TMEM143: variants seen among roughly 807,000 people sequenced by gnomAD.
TMEM143 encodes transmembrane protein 143.
TMEM143 carries 45 observed loss-of-function variants against 40.3 expected under a neutral mutation model. The ratio of observed to expected loss-of-function variants is 1.12; its 90% CI spans 0.88 to 1.43. The LOEUF (loss-of-function observed/expected upper bound fraction) is 1.43, where lower values mean the gene tolerates loss of function less well. TMEM143 is among the 40% of genes most tolerant of loss of function. TMEM143 has a pLI of 0.00. For synonymous variants in TMEM143, 299 were observed against 282.7 expected (o/e 1.06, Z -0.58); for missense variants, 620 against 613.4 (o/e 1.01, Z -0.11).
intron 3 of TMEM143, among the ~76,000 whole-genome samples, chr19:48,350,919 CAAAAAAAAAAAA>C (rs71181680): frequency 4.5e-5 from 4 of 88,258 alleles, no homozygotes; most frequent in Admixed American, 1.2e-4. Context: ...GACTACATCT[CAAAAAAAAAAAA>C]AAAAAAAAAA....
At chr19:48,350,524 C>T (rs1969742942) in intron 3 of TMEM143, among the ~76,000 whole-genome samples, 1 of 152,110 alleles carries the variant, frequency 6.6e-6, no homozygotes, top group African/African-American at 2.4e-5. Context: ...CCGTCCCCAC[C>T]ACCCACGTTC....
At chr19:48,356,892 C>A (rs984844973) in intron 3 of TMEM143, among the ~76,000 whole-genome samples, 9 of 129,748 alleles carry the variant, frequency 6.9e-5, no homozygotes, top group African/African-American at 1.8e-4. Flanking sequence ...CAGCACCTGG[C>A]CTTTTTTTTT....
Position 48,333,187 on chromosome 19 carries a change from G to T in TMEM143, c.*32C>A. On this transcript the variant is annotated 3_prime_UTR_variant, in exon 8 of 8. Coordinates refer to ENST00000293261, the MANE Select transcript of TMEM143 (RefSeq NM_018273.4). This position sits in a 1 kb window ranked among gnomAD's most constrained non-coding sequence, Gnocchi z 4.1. Reference sequence around the variant, plus strand: ...TGAAGGAGGCGGGGCTTAGTTCCTAGCCTGCTGACTGGGCAGGGAGGTAGG... The same window carrying T: ...TGAAGGAGGCGGGGCTTAGTTCCTATCCTGCTGACTGGGCAGGGAGGTAGG... 7.1e-7 allele frequency: 1 copy of T among 1,405,136 alleles called. No individual in the cohort carries two copies. Among genetic ancestry groups the T allele is most frequent in the Non-Finnish European group, 9.4e-7 (1 of 1,061,558 alleles). The allele number at this position is 1,405,136 out of a possible 1,614,324, so 87.0% of individuals were successfully genotyped here.
At chr19:48,363,726 G>T in intron 1 of TMEM143, 172 bp downstream of exon 1, 1 of 1,373,898 alleles carries the variant, frequency 7.3e-7, no homozygotes. Flanking sequence ...GGGGTCAGAG[G>T]TCTTAGGTTC....
At chr19:48,358,872 C>T (rs2147387113) in intron 3 of TMEM143, among the ~76,000 whole-genome samples, 1 of 152,242 alleles carries the variant, frequency 6.6e-6, no homozygotes, top group Non-Finnish European at 1.5e-5. Context: ...CACTCAGAGT[C>T]AAAGCAAGGT....
Position 48,347,494 on chromosome 19 carries a change from C to T in TMEM143, c.370-2140G>A, listed in dbSNP as rs182368979. 6.2e-3 allele frequency among the ~76,000 whole-genome samples: 940 copies of T among 151,756 alleles called. 3 individuals carry two copies. Among genetic ancestry groups the T allele is most frequent in the Non-Finnish European group, 9.2e-3 (627 of 67,940 alleles). ...CTGGGAAGCCAAGGTGGGAGGATCA[C>T]TTGAATCCAGGAGTTTGAGACCAGC... On this transcript the variant is annotated intron_variant, in intron 3 of 7. Transcript: ENST00000293261.
intron 3 of TMEM143, among the ~76,000 whole-genome samples, chr19:48,354,484 C>T (rs776107071): frequency 3.3e-5 from 5 of 152,040 alleles, no homozygotes; most frequent in Non-Finnish European, 5.9e-5. Context: ...AAGCTGGTCT[C>T]GAACTCCTGA....
chr19:48,340,957 G>A (rs1969473700), intron 6 of TMEM143, among the ~76,000 whole-genome samples: 1 of 152,054 alleles, frequency 6.6e-6, no homozygotes, highest in Non-Finnish European at 1.5e-5. Context: ...CTGAGCCCTG[G>A]TCCCAAGCAG....
At chr19:48,336,784 A>G (rs1378677480) in intron 6 of TMEM143, among the ~76,000 whole-genome samples, 2 of 151,954 alleles carry the variant, frequency 1.3e-5, no homozygotes, top group Non-Finnish European at 2.9e-5. Flanking sequence ...TCACGAGGTC[A>G]GAAGATCAAG....
chr19:48,357,957 C>G (rs993475592), intron 3 of TMEM143, among the ~76,000 whole-genome samples: 1 of 151,876 alleles, frequency 6.6e-6, no homozygotes, highest in Non-Finnish European at 1.5e-5. Context: ...GGGTGAGGGA[C>G]TACATATTGG....
chr19:48,354,351 G>A (rs1247784979), intron 3 of TMEM143, among the ~76,000 whole-genome samples: 5 of 146,300 alleles, frequency 3.4e-5, no homozygotes, highest in African/African-American at 7.7e-5. Flanking sequence ...TGCAGCCTCC[G>A]CCTCCTGGGT....
intron 5 of TMEM143, 199 bp from the exon 6 acceptor site, chr19:48,343,008 T>C (rs1259280989): frequency 2.8e-6 from 2 of 709,694 alleles, no homozygotes; most frequent in Non-Finnish European, 2.3e-6. Flanking sequence ...ATCCCTGGTA[T>C]TGGACGTGCA....
In TMEM143 at chr19:48,343,198, C is replaced by T. The variant is rs114833886; in HGVS notation, c.695+123G>A. ...AAAGACAGCATTTGGATGAGTCACG[C>T]CTCCCATTTCTCAACTTCCCGCCTG... On this transcript the variant is annotated intron_variant, in intron 5 of 7. Transcript: ENST00000293261. 9.0e-4 allele frequency: 1,123 copies of T among 1,252,508 alleles called. 9 individuals carry two copies. In the African/African-American group the frequency reaches 0.016, roughly 17 times the overall value. The allele number at this position is 1,252,508 out of a possible 1,614,324, so 77.6% of individuals were successfully genotyped here. A position where few individuals can be genotyped will look rare whatever the true frequency, so the allele number is the denominator to read the frequency against.
chr19:48,346,578 T>A (rs540374366), intron 3 of TMEM143, among the ~76,000 whole-genome samples: 1 of 151,994 alleles, frequency 6.6e-6, no homozygotes, highest in Non-Finnish European at 1.5e-5. Context: ...TACTTTCTTT[T>A]TATTTATTTA....
At chr19:48,346,594 T>C (rs1180778247) in intron 3 of TMEM143, among the ~76,000 whole-genome samples, 1 of 152,132 alleles carries the variant, frequency 6.6e-6, no homozygotes, top group African/African-American at 2.4e-5. Flanking sequence ...ATTTATTTTT[T>C]TGAGACAGAG....
intron 3 of TMEM143, among the ~76,000 whole-genome samples, chr19:48,357,831 A>C (rs936046213): frequency 3.3e-5 from 5 of 152,136 alleles, no homozygotes; most frequent in African/African-American, 1.2e-4. Context: ...CAGGAATGGA[A>C]AACCAAATAG....
chr19:48,346,008 C>T (rs1454031119), intron 3 of TMEM143, among the ~76,000 whole-genome samples: 1 of 151,506 alleles, frequency 6.6e-6, no homozygotes, highest in African/African-American at 2.4e-5. Context: ...TGGTCTCGAA[C>T]TCCTGACATG....
In TMEM143 at chr19:48,352,256, A is replaced by AAAAAAAAAAAAC. The variant is rs1555887047; in HGVS notation, c.370-6903_370-6902insGTTTTTTTTTTT. Among the ~76,000 whole-genome samples the AAAAAAAAAAAAC allele has an allele frequency of 9.5e-5, 14 of 147,224 alleles. 1 individual carries two copies. The highest frequency in any genetic ancestry group is 3.2e-4 in the African/African-American group (13 of 40,168). On this transcript the variant is annotated intron_variant, in intron 3 of 7. Transcript: ENST00000293261. ...AGTGAGACTCTGTCTCAAAAAAAAA[A>AAAAAAAAAAAAC]AAAAAACACCATATCTGCATATAAC...
intron 3 of TMEM143, among the ~76,000 whole-genome samples, chr19:48,345,690 T>C (rs1969611686): frequency 6.6e-6 from 1 of 151,750 alleles, no homozygotes; most frequent in Non-Finnish European, 1.5e-5. Context: ...AGGCTGGTCT[T>C]GAACTCCTGA....
Sources: gnomAD v4.1 joint callset for allele counts (sites outside exome capture counted in the v4.1 genomes callset) on GRCh38, gnomAD v4.1.1 for gene constraint, Gnocchi (gnomAD v3.1) non-coding constraint, MANE v1.5 for transcripts, NCBI Gene and HGNC (gene_info 2026-07-23, HGNC 2026-07-21) for gene names.